CEP63: variants seen among roughly 807,000 people sequenced by gnomAD.
The protein encoded by CEP63 is centrosomal protein of 63 kDa.
Under a neutral mutation model 89.1 loss-of-function variants are expected in CEP63, and 84 were observed. The ratio of observed to expected loss-of-function variants is 0.94; its 90% CI spans 0.79 to 1.13. The LOEUF (loss-of-function observed/expected upper bound fraction) is 1.13. Among genes scored for constraint, CEP63 ranks in the 50% most tolerant of loss-of-function variants. The pLI, the probability that CEP63 is intolerant of heterozygous loss-of-function variation, is 0.00. For missense variants in CEP63, 838 were observed against 813.3 expected, an observed-to-expected ratio of 1.03 and a Z score of -0.37; for synonymous variants, 267 against 272.5, an observed-to-expected ratio of 0.98 and a Z score of 0.20.
At chr3:134,491,881 G>C (rs984537277) in intron 1 of CEP63, among the ~76,000 whole-genome samples, 10 of 152,122 alleles carry the variant, frequency 6.6e-5, no homozygotes, top group African/African-American at 2.4e-4. Context: ...TCATAATTCT[G>C]TCTGGAGTTT....
the CEP63 span, among the ~76,000 whole-genome samples, chr3:134,723,048 C>G: frequency 1.3e-5 from 2 of 152,198 alleles, no homozygotes; most frequent in Non-Finnish European, 2.9e-5. Context: ...GCCAAATGCC[C>G]TGCTAAAGCT....
At chr3:134,573,139 C>T (rs1351902133) in intron 11 of CEP63, among the ~76,000 whole-genome samples, 1 of 151,988 alleles carries the variant, frequency 6.6e-6, no homozygotes, top group Non-Finnish European at 1.5e-5. Flanking sequence ...TGTTTAAGTT[C>T]CTTATAGATT....
At chr3:134,637,484 T>G in the CEP63 span, among the ~76,000 whole-genome samples, 3 of 152,252 alleles carry the variant, frequency 2.0e-5, no homozygotes, top group African/African-American at 4.8e-5. Flanking sequence ...TGAGTAGTCC[T>G]GTAGTAAAGA....
At chr3:134,536,896 A>G (rs1559972285) in intron 5 of CEP63, 5 of 441,846 alleles carry the variant, frequency 1.1e-5, no homozygotes, top group Non-Finnish European at 1.3e-5. Context: ...ATCTGAATCC[A>G]GTGCTTAACA....
the CEP63 span, among the ~76,000 whole-genome samples, chr3:134,761,601 G>C: frequency 6.6e-6 from 1 of 152,192 alleles, no homozygotes; most frequent in South Asian, 2.1e-4. Context: ...GCCTCCACTC[G>C]CCACCCTGGG....
At chr3:134,516,460 T>C (rs1946244767) in intron 3 of CEP63, among the ~76,000 whole-genome samples, 1 of 152,132 alleles carries the variant, frequency 6.6e-6, no homozygotes, top group Admixed American at 6.5e-5. Context: ...CTTTTACTAA[T>C]CCTCCTCAGC....
the CEP63 span, among the ~76,000 whole-genome samples, chr3:134,721,646 T>G: frequency 2.0e-5 from 3 of 152,174 alleles, no homozygotes; most frequent in Non-Finnish European, 4.4e-5. Context: ...GAAATTCCCT[T>G]ATGTTTCTAG....
the CEP63 span, among the ~76,000 whole-genome samples, chr3:134,653,412 A>T: frequency 6.6e-6 from 1 of 152,166 alleles, no homozygotes; most frequent in Non-Finnish European, 1.5e-5. Context: ...CTGCCCCTGG[A>T]TCCTGATGGT....
At chr3:134,497,724 G>C (rs748307749) in intron 2 of CEP63, among the ~76,000 whole-genome samples, 13 of 151,844 alleles carry the variant, frequency 8.6e-5, no homozygotes, top group Non-Finnish European at 1.3e-4. Context: ...TAAGTCTTTA[G>C]TCCATTTTGA....
the CEP63 span, among the ~76,000 whole-genome samples, chr3:134,732,025 T>C: frequency 1.3e-5 from 2 of 152,082 alleles, no homozygotes; most frequent in Non-Finnish European, 2.9e-5. Flanking sequence ...ATCAGATAAA[T>C]AGAGATTAAT....
At position 134,549,939 on chromosome 3, in the gene CEP63, T is replaced by G. The variant is rs1954437155; in HGVS notation, c.1183-124T>G. ...GTAAATTGCTAATTTTTCTGCAGAT[T>G]TAATTTAAGAGAAATTTAATGTCTT... On this transcript the variant is annotated intron_variant, in intron 10 of 14. Transcript: ENST00000675561. 3.8e-6 allele frequency: 3 copies of G among 786,482 alleles called. No individual in the cohort carries two copies. In the South Asian group the frequency reaches 4.9e-5, roughly 13 times the overall value. The allele number at this position is 786,482 out of a possible 1,614,324, so 48.7% of individuals were successfully genotyped here. A position where few individuals can be genotyped will look rare whatever the true frequency, so the allele number is the denominator to read the frequency against.
the CEP63 span, among the ~76,000 whole-genome samples, chr3:134,715,948 T>C: frequency 6.6e-6 from 1 of 152,164 alleles, no homozygotes; most frequent in Non-Finnish European, 1.5e-5. Flanking sequence ...CTTATAGATC[T>C]AAGTTTTCCC....
chr3:134,646,222 T>C, the CEP63 span, among the ~76,000 whole-genome samples: 91,935 of 152,016 alleles, frequency 0.6, 28,489 homozygotes, highest in East Asian at 0.89. Context: ...TCTACTTCAG[T>C]AGAGCTAAAG....
At chr3:134,511,163 T>C (rs773005261) in intron 3 of CEP63, 44 of 171,966 alleles carry the variant, frequency 2.6e-4, no homozygotes, top group Middle Eastern at 2.2e-3. Context: ...GGTAGCAGTT[T>C]AGAGGGTAAT....
chr3:134,599,605 T>G, the CEP63 span, among the ~76,000 whole-genome samples: 2 of 152,228 alleles, frequency 1.3e-5, no homozygotes, highest in Non-Finnish European at 2.9e-5. Flanking sequence ...TTGGTAATTT[T>G]TTTTCTCCCA....
At chr3:134,666,956 G>A in the CEP63 span, among the ~76,000 whole-genome samples, 1 of 152,150 alleles carries the variant, frequency 6.6e-6, no homozygotes, top group Admixed American at 6.5e-5. Context: ...GAAAGCCCAT[G>A]CTCACTCCCA....
chr3:134,667,502 G>A, the CEP63 span, among the ~76,000 whole-genome samples: 3 of 152,232 alleles, frequency 2.0e-5, no homozygotes, highest in Admixed American at 6.5e-5. Context: ...AACAGTATGT[G>A]TGCATGGGTG....
At chr3:134,534,679 A>G (rs1345117992) in intron 5 of CEP63, among the ~76,000 whole-genome samples, 1 of 152,174 alleles carries the variant, frequency 6.6e-6, no homozygotes, top group African/African-American at 2.4e-5. Context: ...CCTGTCATGT[A>G]TCGCTGAACG....
intron 12 of CEP63, among the ~76,000 whole-genome samples, chr3:134,556,750 C>T (rs558759264): frequency 5.9e-5 from 9 of 152,276 alleles, no homozygotes; most frequent in African/African-American, 2.2e-4. Flanking sequence ...TAATACTGTT[C>T]TTTCTTTAGA....
Sources: allele counts gnomAD v4.1 joint callset (sites outside exome capture counted in the v4.1 genomes callset), GRCh38; gene constraint gnomAD v4.1.1; transcripts MANE v1.5; gene names NCBI Gene and HGNC (gene_info 2026-07-23, HGNC 2026-07-21).